The following SMG7 variants were observed in gnomAD, a reference collection of about 807,000 sequenced individuals.
SMG7 encodes the protein nonsense-mediated mRNA decay factor SMG7.
SMG7 carries 34 observed loss-of-function variants against 148.2 expected under a neutral mutation model. The observed-to-expected ratio is 0.23, with a 90% CI of 0.17 to 0.31. The LOEUF is 0.31. SMG7 is among the 10% of genes least tolerant of loss of function. The pLI is 1.00. For synonymous variants in SMG7, 492 were observed against 515.1 expected, an observed-to-expected ratio of 0.96 and a Z score of 0.61; for missense variants, 1,114 against 1,408.4, an observed-to-expected ratio of 0.79 and a Z score of 3.35.
Position 183,542,501 on chromosome 1 carries a change from A to T in SMG7, c.1841A>T (p.Gln614Leu), listed in dbSNP as rs771381828. The stretch of plus-strand genomic sequence containing the variant: ...ACAGGAAAGCAGAATGTGGCAGTGC[A>T]GGTAAGCTGTATTTGAACTATAAAG... ...QETGKQNVAV[Q>L]VKSQTELRKT... The change falls in exon 14 of 23, where the codon CAG becomes CTG. Residue 614 changes from glutamine to leucine, a missense_variant and splice_region_variant. This residue lies in a region of SMG7 where 788 missense variants were observed against 894.5 expected (regional missense o/e 0.88). Coordinates refer to ENST00000688051, the MANE Select transcript of SMG7 (RefSeq NM_001375584.1). 9 of 1,610,210 alleles carry T rather than the reference A, an allele frequency of 5.6e-6. No individual in the cohort carries two copies. In the South Asian group the frequency reaches 9.9e-5, roughly 18 times the overall value.
At position 183,553,104 on chromosome 1, in the gene SMG7, T is replaced by G. The variant is rs1671316267; in HGVS notation, c.*1173T>G. On this transcript the variant is annotated 3_prime_UTR_variant, in exon 23 of 23. Coordinates refer to ENST00000688051, the MANE Select transcript of SMG7 (RefSeq NM_001375584.1). ...AGCTGCAGTCTCCCAGCCTCCACTT[T>G]CAGAGTGAAATTCAAGGCAGCACGG... The G allele has an allele frequency of 2.6e-6, 4 of 1,536,246 alleles. No homozygotes were observed. The highest frequency in any genetic ancestry group is 3.5e-6 in the Non-Finnish European group (4 of 1,146,926).
chr1:183,508,746 A>G (rs1006622523), intron 1 of SMG7, among the ~76,000 whole-genome samples: 11 of 152,204 alleles, frequency 7.2e-5, no homozygotes, highest in Non-Finnish European at 1.5e-4. Context: ...TTAGTGGATA[A>G]TAGTATATAA....
rs140952683 is a variant in SMG7, at chr1:183,474,875, G to C, written c.29+2226G>C. ...TTGACAGATGTGGATTGAGAAGCGG[G>C]GAATTCCAAATGGAAGGAAACTGAG... On this transcript the variant is annotated intron_variant, in intron 1 of 22. Coordinates refer to ENST00000688051, the MANE Select transcript of SMG7 (RefSeq NM_001375584.1). Among the ~76,000 whole-genome samples the C allele has an allele frequency of 5.9e-5, 9 of 152,318 alleles. No individual in the cohort carries two copies. The East Asian group carries it at 1.7e-3, about 29-fold the overall frequency.
At chr1:183,475,787 C>G (rs1652011714) in intron 1 of SMG7, among the ~76,000 whole-genome samples, 1 of 151,940 alleles carries the variant, frequency 6.6e-6, no homozygotes, top group African/African-American at 2.4e-5. Flanking sequence ...GTTAATGTGC[C>G]TTATATTTTA....
intron 1 of SMG7, among the ~76,000 whole-genome samples, chr1:183,477,227 C>A (rs1182999788): frequency 6.6e-6 from 1 of 152,120 alleles, no homozygotes; most frequent in Non-Finnish European, 1.5e-5. Context: ...ATTGTGGGAG[C>A]CACTGTTCAT....
chr1:183,533,030 G>A (rs1667140441), intron 8 of SMG7, 134 bp from the exon 9 acceptor site: 3 of 705,358 alleles, frequency 4.3e-6, no homozygotes, highest in Admixed American at 2.8e-5. Flanking sequence ...CTGGGATTGA[G>A]GGCAGAACCA....
intron 20 of SMG7, 142 bp from the exon 21 acceptor site, chr1:183,550,609 G>T: frequency 1.3e-6 from 1 of 784,564 alleles, no homozygotes; most frequent in Non-Finnish European, 2.1e-6. Context: ...AGATCTCTTT[G>T]GAGCCTTTAG....
chr1:183,505,926 C>A (rs1182027300), intron 1 of SMG7, among the ~76,000 whole-genome samples: 1 of 152,212 alleles, frequency 6.6e-6, no homozygotes, highest in Non-Finnish European at 1.5e-5. Context: ...AAATGTAAAT[C>A]TAACAATGCT....
chr1:183,497,913 A>G (rs1380440736), intron 1 of SMG7, among the ~76,000 whole-genome samples: 1 of 152,214 alleles, frequency 6.6e-6, no homozygotes, highest in African/African-American at 2.4e-5. Context: ...TTTGCTCAGG[A>G]AAATAATCAA....
intron 1 of SMG7, among the ~76,000 whole-genome samples, chr1:183,481,763 CT>C (rs1297794838): frequency 6.6e-6 from 1 of 152,112 alleles, no homozygotes; most frequent in Non-Finnish European, 1.5e-5. Context: ...GGAAGTGGAA[CT>C]TTTCCTGCAT....
At chr1:183,545,923 T>A in intron 16 of SMG7, 43 bp from the exon 17 acceptor site, 1 of 1,531,538 alleles carries the variant, frequency 6.5e-7, no homozygotes, top group Non-Finnish European at 8.7e-7. Context: ...ATAAGTAATA[T>A]TGCATTTTAT....
intron 4 of SMG7, among the ~76,000 whole-genome samples, chr1:183,521,363 G>A (rs545240515): frequency 6.6e-6 from 1 of 152,234 alleles, no homozygotes; most frequent in South Asian, 2.1e-4. Context: ...CCTCCCCTAA[G>A]TGCTGGGATT....
chr1:183,524,419 C>T (rs1665411080), intron 4 of SMG7, among the ~76,000 whole-genome samples: 1 of 152,124 alleles, frequency 6.6e-6, no homozygotes, highest in South Asian at 2.1e-4. Context: ...CCATGCCTGG[C>T]CTTGTTTACC....
At chr1:183,481,521 C>T (rs1323944865) in intron 1 of SMG7, among the ~76,000 whole-genome samples, 2 of 152,112 alleles carry the variant, frequency 1.3e-5, no homozygotes, top group Non-Finnish European at 2.9e-5. Flanking sequence ...TTTAAATGTA[C>T]AGTGTACATA....
intron 12 of SMG7, among the ~76,000 whole-genome samples, 169 bp from the exon 13 acceptor site, chr1:183,540,815 G>C (rs1263768629): frequency 6.6e-6 from 1 of 152,146 alleles, no homozygotes; most frequent in African/African-American, 2.4e-5. Context: ...TTCATAGTTT[G>C]TAAAAATCTC....
chr1:183,546,251 C>A lies in SMG7; in HGVS notation c.2656C>A (p.Gln886Lys). Reference protein sequence around the residue: ...SMADNRSVMAQQANIDRRGKR... With the variant: ...SMADNRSVMAKQANIDRRGKR... ...GGCTGATAACAGATCTGTAATGGCA[C>A]AGCAAGCAAACATAGACCGCAGGGG... The change falls in exon 17 of 23, where the codon CAG becomes AAG. Residue 886 changes from glutamine (Q) to lysine (K), a missense_variant. Coordinates refer to ENST00000688051, the MANE Select transcript of SMG7 (RefSeq NM_001375584.1). 1 of 1,614,028 alleles carries A rather than the reference C, an allele frequency of 6.2e-7. No individual in the cohort carries two copies. The highest frequency in any genetic ancestry group is 8.5e-7 in the Non-Finnish European group (1 of 1,179,956).
At chr1:183,499,207 A>G (rs965329018) in intron 1 of SMG7, among the ~76,000 whole-genome samples, 2 of 152,206 alleles carry the variant, frequency 1.3e-5, no homozygotes, top group African/African-American at 4.8e-5. Flanking sequence ...AGTGATTATA[A>G]ATAAAGCCGA....
rs1484697160 is a variant in SMG7 at position 183,545,249 on chromosome 1, A to G, written c.2307A>G (p.Gln769=). Residue 769 remains glutamine (Q), a synonymous_variant, in exon 16 of 23, where the codon CAA becomes CAG. Transcript: ENST00000688051. Reference sequence around the variant, plus strand: ...TTCAAGCTCTAACTCAGCAACAACAATCCCCTACAAAAGCTGTGCCGGCTT... The same window carrying G: ...TTCAAGCTCTAACTCAGCAACAACAGTCCCCTACAAAAGCTGTGCCGGCTT... The part of the protein sequence containing the change: ...LQVQALTQQQ[Q]SPTKAVPALG... 2 of 1,613,768 alleles carry G rather than the reference A, an allele frequency of 1.2e-6. No individual in the cohort carries two copies. Among genetic ancestry groups the G allele is most frequent in the Admixed American group, 1.7e-5 (1 of 60,008 alleles).
intron 16 of SMG7, 110 bp from the exon 17 acceptor site, chr1:183,545,856 G>A: frequency 1.5e-6 from 2 of 1,300,764 alleles, no homozygotes; most frequent in Non-Finnish European, 2.1e-6. Context: ...GCCTTGCCTA[G>A]AGTTTTGTTG....
Sources: gnomAD v4.1 joint callset for allele counts (sites outside exome capture counted in the v4.1 genomes callset) on GRCh38, gnomAD v4.1.1 for gene constraint, gnomAD v4.1.1 regional missense constraint, MANE v1.5 for transcripts, NCBI Gene and HGNC (gene_info 2026-07-23, HGNC 2026-07-21) for gene names.